Variants in RABGAP1L observed in about 807,000 individuals in gnomAD.
The protein encoded by RABGAP1L is RAB GTPase activating protein 1 like, also known as rab GTPase-activating protein 1-like.
Under a neutral mutation model 137.7 loss-of-function variants are expected in RABGAP1L, and 63 were observed. The observed-to-expected ratio is 0.46, with a 90% confidence interval of 0.37 to 0.56. The LOEUF (loss-of-function observed/expected upper bound fraction) is 0.56. Ranked by LOEUF, RABGAP1L falls within the 20% of genes least tolerant of loss-of-function variation. RABGAP1L has a pLI of 0.00. For synonymous variants in RABGAP1L, 431 were observed against 433.7 expected (o/e 0.99, Z 0.08); for missense variants, 1,095 against 1,244.0 (o/e 0.88, Z 1.80).
At chr1:174,836,252 A>G (rs1692738795) in intron 19 of RABGAP1L, among the ~76,000 whole-genome samples, 1 of 152,144 alleles carries the variant, frequency 6.6e-6, no homozygotes, top group Non-Finnish European at 1.5e-5. Context: ...AGGTTTGTAC[A>G]GGGAGTGAGG....
At chr1:174,599,952 G>T (rs923030388) in intron 13 of RABGAP1L, among the ~76,000 whole-genome samples, 1 of 151,924 alleles carries the variant, frequency 6.6e-6, no homozygotes. Flanking sequence ...CCTCTTTAAG[G>T]CCCCATGTAT....
chr1:174,610,521 G>A (rs1448085374), intron 13 of RABGAP1L, among the ~76,000 whole-genome samples: 1 of 152,058 alleles, frequency 6.6e-6, no homozygotes, highest in East Asian at 1.9e-4. Context: ...ACATACGTGT[G>A]CACGTGTCTT....
intron 1 of RABGAP1L, among the ~76,000 whole-genome samples, chr1:174,171,979 C>T (rs1413279245): frequency 6.6e-6 from 1 of 151,662 alleles, no homozygotes; most frequent in Non-Finnish European, 1.5e-5. Context: ...CCAGCCTGGG[C>T]GACAGAGTGA....
intron 18 of RABGAP1L, chr1:174,800,495 C>A: frequency 1.3e-6 from 2 of 1,550,484 alleles, no homozygotes; most frequent in Non-Finnish European, 1.7e-6. Context: ...GCCTCGGCTT[C>A]TGGCGGTGAG....
chr1:174,438,560 A>G (rs541063035), intron 13 of RABGAP1L, among the ~76,000 whole-genome samples: 1 of 151,618 alleles, frequency 6.6e-6, no homozygotes, highest in South Asian at 2.1e-4. Flanking sequence ...TGTACTAAAA[A>G]TATAAAAATT....
chr1:174,831,790 G>C (rs1692139928), intron 19 of RABGAP1L, among the ~76,000 whole-genome samples: 1 of 148,002 alleles, frequency 6.8e-6, no homozygotes, highest in Non-Finnish European at 1.5e-5. Context: ...AAAATAATCA[G>C]ACCTGTATAG....
chr1:174,929,578 G>C (rs10912854), intron 19 of RABGAP1L, among the ~76,000 whole-genome samples: 59,390 of 151,436 alleles, frequency 0.39, 14,700 homozygotes, highest in African/African-American at 0.71. Flanking sequence ...CCTATCTCCA[G>C]AAGCAAATTT....
At chr1:174,831,728 A>G (rs1480500350) in intron 19 of RABGAP1L, among the ~76,000 whole-genome samples, 1 of 144,096 alleles carries the variant, frequency 6.9e-6, no homozygotes. Context: ...CTAGGTGACT[A>G]AAAAAAAACT....
At chr1:174,658,302 C>A (rs1676110520) in intron 14 of RABGAP1L, among the ~76,000 whole-genome samples, 1 of 152,058 alleles carries the variant, frequency 6.6e-6, no homozygotes, top group African/African-American at 2.4e-5. Context: ...CTTGCTCTGC[C>A]TTTTTGCTGA....
chr1:174,502,884 C>T (rs1000747681), intron 13 of RABGAP1L, among the ~76,000 whole-genome samples: 1 of 151,882 alleles, frequency 6.6e-6, no homozygotes, highest in Non-Finnish European at 1.5e-5. Context: ...ATTATATGGC[C>T]TAACTGTGAA....
rs540452601 is a variant in RABGAP1L, at chr1:174,611,421, C to G, written c.1711-25954C>G. Among the ~76,000 whole-genome samples, 565 of 151,572 alleles carry G rather than the reference C, an allele frequency of 3.7e-3. 4 individuals are homozygous for G. Among genetic ancestry groups the G allele is most frequent in the African/African-American group, 0.012 (504 of 41,234 alleles). On this transcript the variant is annotated intron_variant, in intron 13 of 25. Transcript: ENST00000681986. The stretch of plus-strand genomic sequence containing the variant: ...TTCTGTTCCATTGGTCTATATCTCT[C>G]TTTTGGTACCACTACCATGCTGTTT...
At chr1:174,437,344 C>G (rs1653504553) in intron 13 of RABGAP1L, among the ~76,000 whole-genome samples, 1 of 152,072 alleles carries the variant, frequency 6.6e-6, no homozygotes, top group African/African-American at 2.4e-5. Flanking sequence ...GAATGGATAA[C>G]TAGAATAACC....
chr1:174,579,357 T>C (rs1279196521), intron 13 of RABGAP1L, among the ~76,000 whole-genome samples: 1 of 151,788 alleles, frequency 6.6e-6, no homozygotes, highest in Non-Finnish European at 1.5e-5. Flanking sequence ...CAAAGGGGAG[T>C]CCACAAGAGT....
rs566335485 is a variant in RABGAP1L at position 174,853,054 on chromosome 1, G to T, written c.2340+41094G>T. On this transcript the variant is annotated intron_variant, in intron 19 of 25. Coordinates refer to ENST00000681986, the MANE Select transcript of RABGAP1L (RefSeq NM_001366446.1). ...TAATGTTTCTAAAAGGAATGAAACT[G>T]CATTATTGCTGATTCTGTTGTGGAT... Among the ~76,000 whole-genome samples, 4 of 152,102 alleles carry T rather than the reference G, an allele frequency of 2.6e-5. No homozygotes were observed. The East Asian group carries it at 7.7e-4, about 29-fold the overall frequency.
At chr1:174,832,225 G>A (rs1168792590) in intron 19 of RABGAP1L, among the ~76,000 whole-genome samples, 1 of 146,710 alleles carries the variant, frequency 6.8e-6, no homozygotes, top group Non-Finnish European at 1.5e-5. Flanking sequence ...CCCGGGAGGT[G>A]GAGGTTGCAG....
intron 19 of RABGAP1L, among the ~76,000 whole-genome samples, chr1:174,865,380 G>A (rs1651026859): frequency 6.6e-6 from 1 of 152,116 alleles, no homozygotes; most frequent in South Asian, 2.1e-4. Flanking sequence ...AGTGTTAAGC[G>A]AGTCTACATT....
At chr1:174,986,236 G>A (rs1051309070) in intron 24 of RABGAP1L, among the ~76,000 whole-genome samples, 7 of 151,938 alleles carry the variant, frequency 4.6e-5, no homozygotes, top group Non-Finnish European at 1.0e-4. Flanking sequence ...GGCATGAGCC[G>A]CCGTGCCCAG....
intron 11 of RABGAP1L, among the ~76,000 whole-genome samples, chr1:174,353,264 G>T (rs1334817854): frequency 6.6e-6 from 1 of 152,094 alleles, no homozygotes; most frequent in Non-Finnish European, 1.5e-5. Context: ...TGCTCAGCTG[G>T]TATTTAAGTT....
chr1:174,258,762 A>G (rs1179069047), intron 7 of RABGAP1L, among the ~76,000 whole-genome samples: 1 of 151,516 alleles, frequency 6.6e-6, no homozygotes, highest in Non-Finnish European at 1.5e-5. Context: ...ATGTAAAATT[A>G]TCAACATTCT....
Sources: gnomAD v4.1 joint callset for allele counts (sites outside exome capture counted in the v4.1 genomes callset) on GRCh38, gnomAD v4.1.1 for gene constraint, MANE v1.5 for transcripts, NCBI Gene and HGNC (gene_info 2026-07-23, HGNC 2026-07-21) for gene names.